SLC49A4: variants seen among roughly 807,000 people sequenced by gnomAD.
SLC49A4 encodes solute carrier family 49 member 4.
In SLC49A4, 36 loss-of-function variants were observed where a neutral mutation model predicts 50.6. The ratio of observed to expected loss-of-function variants is 0.71; its 90% CI spans 0.55 to 0.94. SLC49A4 has a LOEUF of 0.94. Ranked by LOEUF, SLC49A4 falls within the 40% of genes least tolerant of loss-of-function variation. SLC49A4 has a pLI of 0.00. For synonymous variants in SLC49A4, 248 were observed against 241.2 expected, an observed-to-expected ratio of 1.03 and a Z score of -0.26; for missense variants, 503 against 605.7, an observed-to-expected ratio of 0.83 and a Z score of 1.78.
At chr3:122,803,419 A>G (rs1001091512) in intron 1 of SLC49A4, among the ~76,000 whole-genome samples, 1 of 152,220 alleles carries the variant, frequency 6.6e-6, no homozygotes, top group Non-Finnish European at 1.5e-5. Flanking sequence ...ATGAGGTCTC[A>G]TTAGGGGATG....
chr3:122,799,078 G>A (rs546237785), intron 1 of SLC49A4, among the ~76,000 whole-genome samples: 1 of 152,170 alleles, frequency 6.6e-6, no homozygotes, highest in South Asian at 2.1e-4. Context: ...GTGTGCCCTC[G>A]AAGCTAACTA....
chr3:122,856,440 C>A, intron 6 of SLC49A4, 66 bp downstream of exon 6: 1 of 1,396,224 alleles, frequency 7.2e-7, no homozygotes, highest in Non-Finnish European at 1.0e-6. Flanking sequence ...GATAAATAGG[C>A]TCCCCTAAAT....
At chr3:122,812,326 G>C (rs898857495) in intron 2 of SLC49A4, among the ~76,000 whole-genome samples, 3 of 152,128 alleles carry the variant, frequency 2.0e-5, no homozygotes, top group African/African-American at 7.2e-5. Flanking sequence ...TTAATAATAG[G>C]AAAAGTAAAG....
At chr3:122,818,165 A>C (rs1936402949) in intron 2 of SLC49A4, among the ~76,000 whole-genome samples, 1 of 152,206 alleles carries the variant, frequency 6.6e-6, no homozygotes, top group Non-Finnish European at 1.5e-5. Flanking sequence ...AAAATGGTTA[A>C]ATGAGATTTT....
intron 1 of SLC49A4, among the ~76,000 whole-genome samples, chr3:122,797,152 G>A (rs1408351475): frequency 6.6e-6 from 1 of 151,922 alleles, no homozygotes; most frequent in Non-Finnish European, 1.5e-5. Context: ...ACAATATAAT[G>A]TAGCTGCTAA....
At chr3:122,851,706 G>A (rs1326977398) in intron 5 of SLC49A4, among the ~76,000 whole-genome samples, 3 of 151,922 alleles carry the variant, frequency 2.0e-5, no homozygotes, top group Non-Finnish European at 2.9e-5. Flanking sequence ...AAAATTTCTA[G>A]TCAGTGTCTC....
chr3:122,848,695 T>C (rs1447038788), intron 5 of SLC49A4, among the ~76,000 whole-genome samples: 2 of 138,610 alleles, frequency 1.4e-5, no homozygotes, highest in Non-Finnish European at 3.3e-5. Flanking sequence ...AAAATTGATA[T>C]GTAATTGCTG....
chr3:122,825,669 G>T (rs1327733853), intron 2 of SLC49A4, among the ~76,000 whole-genome samples: 2 of 150,568 alleles, frequency 1.3e-5, no homozygotes, highest in Non-Finnish European at 2.9e-5. Flanking sequence ...CTCACATAGT[G>T]CTTAGAAAGC....
chr3:122,849,112 T>C (rs2107575304), intron 5 of SLC49A4, among the ~76,000 whole-genome samples: 1 of 152,308 alleles, frequency 6.6e-6, no homozygotes, highest in Non-Finnish European at 1.5e-5. Flanking sequence ...TCACTTAACA[T>C]CCATGTTGCT....
At chr3:122,860,347 CATCTT>C in intron 7 of SLC49A4, 145 bp downstream of exon 7, 1 of 710,566 alleles carries the variant, frequency 1.4e-6, no homozygotes, top group African/African-American at 1.9e-5. Context: ...ATCAAACCAT[CATCTT>C]ATCTAAAGAG....
chr3:122,820,687 C>T (rs755192605), intron 2 of SLC49A4, among the ~76,000 whole-genome samples: 28 of 152,226 alleles, frequency 1.8e-4, no homozygotes, highest in African/African-American at 3.4e-4. Flanking sequence ...CTCCATCCCA[C>T]GCACCCCTGC....
At chr3:122,839,713 G>C (rs1936741530) in intron 4 of SLC49A4, among the ~76,000 whole-genome samples, 4 of 152,076 alleles carry the variant, frequency 2.6e-5, no homozygotes, top group Admixed American at 2.6e-4. Flanking sequence ...TGCAAGAATA[G>C]CCATTATTAA....
At chr3:122,869,071 A>G (rs574008738) in intron 7 of SLC49A4, among the ~76,000 whole-genome samples, 1 of 152,314 alleles carries the variant, frequency 6.6e-6, no homozygotes, top group African/African-American at 2.4e-5. Flanking sequence ...TCACAAACTC[A>G]CATGAAGTGG....
chr3:122,827,787 A>G (rs1451370322), intron 3 of SLC49A4, among the ~76,000 whole-genome samples: 1 of 152,230 alleles, frequency 6.6e-6, no homozygotes, highest in East Asian at 1.9e-4. Context: ...GACAATTATA[A>G]TACAAGTAGA....
intron 8 of SLC49A4, 119 bp from the exon 9 acceptor site, chr3:122,879,144 T>G (rs1428454570): frequency 2.7e-6 from 2 of 730,744 alleles, no homozygotes; most frequent in Admixed American, 2.4e-5. Context: ...TTTCTAGGCC[T>G]TCCAGGGTAC....
At chr3:122,815,026 G>T (rs1316561857) in intron 2 of SLC49A4, among the ~76,000 whole-genome samples, 1 of 151,960 alleles carries the variant, frequency 6.6e-6, no homozygotes, top group East Asian at 1.9e-4. Flanking sequence ...TGATATTATT[G>T]TCTGTATCAT....
intron 2 of SLC49A4, among the ~76,000 whole-genome samples, chr3:122,807,283 A>G (rs1269164584): frequency 2.0e-5 from 3 of 152,118 alleles, no homozygotes; most frequent in Non-Finnish European, 4.4e-5. Context: ...CCTCGAGACT[A>G]GGAGAAGTTT....
intron 1 of SLC49A4, among the ~76,000 whole-genome samples, chr3:122,800,773 A>C (rs1936118194): frequency 6.6e-6 from 1 of 151,566 alleles, no homozygotes; most frequent in Non-Finnish European, 1.5e-5. Context: ...AGCTTGTAGA[A>C]GTTATCTTTG....
intron 2 of SLC49A4, among the ~76,000 whole-genome samples, chr3:122,816,117 A>G (rs373810271): frequency 9.2e-5 from 14 of 152,246 alleles, no homozygotes; most frequent in African/African-American, 3.1e-4. Flanking sequence ...CATTGATGCC[A>G]TCTGAAAAAA....
Sources: allele counts gnomAD v4.1 joint callset (sites outside exome capture counted in the v4.1 genomes callset), GRCh38; gene constraint gnomAD v4.1.1; transcripts MANE v1.5; gene names NCBI Gene and HGNC (gene_info 2026-07-23, HGNC 2026-07-21).